FAM120B: variants seen among roughly 807,000 people sequenced by gnomAD.
FAM120B encodes the protein family with sequence similarity 120 member B.
A neutral mutation model predicts 96.3 loss-of-function variants in FAM120B; 83 were observed. The ratio of observed to expected loss-of-function variants is 0.86; its 90% CI spans 0.72 to 1.03. FAM120B has a LOEUF of 1.03. Among genes scored for constraint, FAM120B ranks in the 50% least tolerant of loss-of-function variants. The probability of loss-of-function intolerance (pLI) is 0.00; values close to 1 mark genes in which losing one functional copy is unlikely to be tolerated. For synonymous variants in FAM120B, 407 were observed against 402.7 expected (o/e 1.01, Z -0.13); for missense variants, 1,027 against 1,121.2 (o/e 0.92, Z 1.20).
chr6:170,324,932 T>C (rs551603675), intron 3 of FAM120B, among the ~76,000 whole-genome samples: 159 of 152,380 alleles, frequency 1.0e-3, no homozygotes, highest in African/African-American at 3.5e-3. Flanking sequence ...TAGAGTGTTC[T>C]GTAAATGTCA....
intron 4 of FAM120B, among the ~76,000 whole-genome samples, chr6:170,341,995 A>G (rs559143401): frequency 1.7e-4 from 26 of 152,320 alleles, no homozygotes; most frequent in African/African-American, 5.8e-4. Context: ...CATGATCACA[A>G]GGTCCCACAA....
chr6:170,388,415 A>G lies in FAM120B; in HGVS notation c.2412A>G (p.Val804=). The change falls in exon 7 of 11, where the codon GTA becomes GTG. Residue 804 remains valine (V), a synonymous_variant. Transcript: ENST00000476287. ...CGAGTGATTTCATGCCCTGGAATGT[A>G]TTTGACGGGAAGCTTTTTCATCAGA... is the stretch of plus-strand genomic sequence containing the variant. ...WKTSDFMPWN[V]FDGKLFHQKY... is the part of the protein sequence containing the mutation. The G allele has an allele frequency of 6.2e-7, 1 of 1,614,102 alleles. No homozygotes were observed. Among genetic ancestry groups the G allele is most frequent in the Non-Finnish European group, 8.5e-7 (1 of 1,180,030 alleles).
At position 170,330,705 on chromosome 6, in the gene FAM120B, C is replaced by T. The variant is rs1785963504; in HGVS notation, c.2017+155C>T. 6.3e-6 allele frequency: 4 copies of T among 632,242 alleles called. No individual in the cohort carries two copies. In the East Asian group the frequency reaches 1.1e-4, roughly 18 times the overall value. The allele number at this position is 632,242 out of a possible 1,614,324, so 39.2% of individuals were successfully genotyped here. On this transcript the variant is annotated intron_variant, in intron 4 of 10. Transcript: ENST00000476287. ...GCTCATGATTAATGTATCCATCTAA[C>T]AAAGTCCCAAAATAATGGAAGGATG... is the stretch of plus-strand genomic sequence containing the variant.
rs1254786384 is a variant in FAM120B at position 170,330,454 on chromosome 6, A to G, written c.1921A>G (p.Thr641Ala). Residue 641 changes from threonine (T) to alanine (A), a missense_variant, in exon 4 of 11, where the codon ACC becomes GCC. By Grantham distance (58) the Thr-to-Ala change is moderately conservative. This residue lies in a region of FAM120B where 880 missense variants were observed against 980.9 expected (regional missense o/e 0.90). Coordinates refer to ENST00000476287, the MANE Select transcript of FAM120B (RefSeq NM_032448.3). Reference protein sequence around the residue: ...SLLLEDCQDVTSTCLAVKEWF... With the variant: ...SLLLEDCQDVASTCLAVKEWF... ...ACCCAACTCTTTTTCTTCAGATGTC[A>G]CCAGCACCTGCCTAGCTGTCAAGGA... 2.5e-6 allele frequency: 4 copies of G among 1,613,804 alleles called. No homozygotes were observed. The highest frequency in any genetic ancestry group is 1.3e-5 in the African/African-American group (1 of 74,890).
chr6:170,293,903 A>G (rs1783941148), upstream of FAM120B, among the ~76,000 whole-genome samples: 1 of 152,148 alleles, frequency 6.6e-6, no homozygotes, highest in Non-Finnish European at 1.5e-5. Flanking sequence ...GGGATGAACA[A>G]AGGAGAGACT....
intron 1 of FAM120B, among the ~76,000 whole-genome samples, chr6:170,315,871 C>T (rs1322339577): frequency 6.6e-6 from 1 of 150,438 alleles, no homozygotes; most frequent in African/African-American, 2.4e-5. Context: ...CGCTTGAGTT[C>T]GAGAGTTTGA....
At chr6:170,291,402 C>T (rs977680591), upstream of FAM120B, among the ~76,000 whole-genome samples, 4 of 151,966 alleles carry the variant, frequency 2.6e-5, no homozygotes, top group African/African-American at 9.7e-5. Flanking sequence ...TCTCCTTGCG[C>T]CGACAGCGTC....
rs79937947 is a variant in FAM120B at position 170,347,857 on chromosome 6, G to C, written c.2018-294G>C. On this transcript the variant is annotated intron_variant, in intron 4 of 10. Coordinates refer to ENST00000476287, the MANE Select transcript of FAM120B (RefSeq NM_032448.3). ...GGCGGCAGTGCCTTGTTATATCCTT[G>C]AGACAGCGCATTTGAAAGATGTTCT... Among the ~76,000 whole-genome samples the C allele has an allele frequency of 8.9e-4, 136 of 152,256 alleles. 3 individuals carry two copies. The East Asian group carries it at 0.024, about 26-fold the overall frequency.
In FAM120B at chr6:170,323,130, A is replaced by G. The variant is rs1258454745; in HGVS notation, c.1786A>G (p.Met596Val). 25 of 1,613,996 alleles carry G rather than the reference A, an allele frequency of 1.5e-5. No individual in the cohort carries two copies. The highest frequency in any genetic ancestry group is 2.0e-5 in the Non-Finnish European group (24 of 1,180,016). Residue 596 changes from methionine (M) to valine (V), a missense_variant, in exon 3 of 11, where the codon ATG becomes GTG. By Grantham distance (21) the Met-to-Val change is conservative. Around this residue, in one of 3 missense-constraint regions of FAM120B, gnomAD observed 880 missense variants for 980.9 expected, o/e 0.90. Coordinates refer to ENST00000476287, the MANE Select transcript of FAM120B (RefSeq NM_032448.3). ...QAESYLVYNI[M>V]SSGEIECSNT... Reference sequence around the variant, plus strand: ...AGAAAGCTACCTGGTGTACAACATCATGAGCAGTGGAGAGATTGAATGCAG... The same window carrying G: ...AGAAAGCTACCTGGTGTACAACATCGTGAGCAGTGGAGAGATTGAATGCAG...
At chr6:170,398,346 G>C (rs1038528613) in intron 9 of FAM120B, among the ~76,000 whole-genome samples, 18 of 152,250 alleles carry the variant, frequency 1.2e-4, no homozygotes, top group Non-Finnish European at 2.2e-4. Context: ...ATAACTCTTA[G>C]GAGTGAGTGG....
intron 1 of FAM120B, among the ~76,000 whole-genome samples, chr6:170,310,571 G>T (rs1009129660): frequency 6.6e-6 from 1 of 152,192 alleles, no homozygotes; most frequent in Non-Finnish European, 1.5e-5. Flanking sequence ...CTTCAGGCAG[G>T]TGATTTCACC....
chr6:170,334,671 G>C (rs1284104680), intron 4 of FAM120B, among the ~76,000 whole-genome samples: 1 of 152,100 alleles, frequency 6.6e-6, no homozygotes. Context: ...GACCATTGCA[G>C]ATCAACATAA....
intron 5 of FAM120B, among the ~76,000 whole-genome samples, chr6:170,348,779 A>G (rs1019812737): frequency 3.3e-5 from 5 of 152,170 alleles, no homozygotes; most frequent in Non-Finnish European, 5.9e-5. Context: ...GTTTCATTCC[A>G]TCATCCAGCA....
intron 9 of FAM120B, among the ~76,000 whole-genome samples, chr6:170,402,015 C>T (rs900839102): frequency 1.3e-5 from 2 of 152,236 alleles, no homozygotes; most frequent in African/African-American, 2.4e-5. Flanking sequence ...GGACTCCCTG[C>T]GCCCTGGGCT....
intron 3 of FAM120B, among the ~76,000 whole-genome samples, chr6:170,324,540 C>T (rs1020303691): frequency 6.6e-6 from 1 of 152,194 alleles, no homozygotes; most frequent in Non-Finnish European, 1.5e-5. Context: ...AGATCTTCCT[C>T]ATGAAAACAT....
Position 170,395,467 on chromosome 6 carries a change from C to G in FAM120B, c.2600-20C>G. 1 of 1,562,640 alleles carries G rather than the reference C, an allele frequency of 6.4e-7. No homozygotes were observed. The highest frequency in any genetic ancestry group is 8.7e-7 in the Non-Finnish European group (1 of 1,150,332). On this transcript the variant is annotated intron_variant, in intron 8 of 10. Coordinates refer to ENST00000476287, the MANE Select transcript of FAM120B (RefSeq NM_032448.3). ...AGACATTTGACAACTTACTAATCTT[C>G]TGACTATGTGTTCCCACAGGGAGGT...
chr6:170,341,360 C>T (rs910739332), intron 4 of FAM120B, among the ~76,000 whole-genome samples: 3 of 152,192 alleles, frequency 2.0e-5, no homozygotes, highest in Admixed American at 6.5e-5. Flanking sequence ...CAAGCTCGAT[C>T]GTCCCAGGTC....
At chr6:170,383,674 C>G (rs899743444) in intron 6 of FAM120B, among the ~76,000 whole-genome samples, 1 of 152,148 alleles carries the variant, frequency 6.6e-6, no homozygotes, top group African/African-American at 2.4e-5. Context: ...GGATGCAGTC[C>G]TTATACACTA....
rs149844936 is a variant in FAM120B, at chr6:170,395,684, G to C, written c.2692+105G>C. On this transcript the variant is annotated intron_variant, in intron 9 of 10. Transcript: ENST00000476287. Reference sequence around the variant, plus strand: ...TCCTCTGTTTCAGAAAGGTTGTATAGTTCCAGTAAATAAACAGATAAATAT... The same window carrying C: ...TCCTCTGTTTCAGAAAGGTTGTATACTTCCAGTAAATAAACAGATAAATAT... 74 of 763,834 alleles carry C rather than the reference G, an allele frequency of 9.7e-5. 2 individuals are homozygous for C. The highest frequency in any genetic ancestry group is 7.7e-4 in the African/African-American group (44 of 57,334). The allele number at this position is 763,834 out of a possible 1,614,324, so 47.3% of individuals were successfully genotyped here. A position where few individuals can be genotyped will look rare whatever the true frequency, so the allele number is the denominator to read the frequency against.
Sources: allele counts gnomAD v4.1 joint callset (sites outside exome capture counted in the v4.1 genomes callset), GRCh38; gene constraint gnomAD v4.1.1; regional missense constraint gnomAD v4.1.1; transcripts MANE v1.5; gene names NCBI Gene and HGNC (gene_info 2026-07-23, HGNC 2026-07-21).